The following PLEKHA6 variants were observed in gnomAD, a reference collection of about 807,000 sequenced individuals.
The protein encoded by PLEKHA6 is pleckstrin homology domain containing A6.
Under a neutral mutation model 116.7 loss-of-function variants are expected in PLEKHA6, and 60 were observed. The observed-to-expected ratio is 0.51, with a 90% CI of 0.42 to 0.64. The LOEUF (loss-of-function observed/expected upper bound fraction) is 0.64, where lower values mean the gene tolerates loss of function less well. PLEKHA6 is among the 30% of genes least tolerant of loss of function. The pLI is 0.00. For missense variants in PLEKHA6, 1,338 were observed against 1,422.7 expected (o/e 0.94, Z 0.96); for synonymous variants, 489 against 556.1 (o/e 0.88, Z 1.70).
chr1:204,244,793 G>T, intron 15 of PLEKHA6, 71 bp downstream of exon 15: 1 of 1,215,452 alleles, frequency 8.2e-7, no homozygotes, highest in South Asian at 1.6e-5. Flanking sequence ...CACAGAAGTT[G>T]TATAGTTTCA....
chr1:204,324,575 GTTGAGTT>G (rs1458107242), intron 1 of PLEKHA6, among the ~76,000 whole-genome samples: 1 of 152,184 alleles, frequency 6.6e-6, no homozygotes, highest in Non-Finnish European at 1.5e-5. Flanking sequence ...TTTCTCTGAG[GTTGAGTT>G]TCTCTGACAA....
intron 7 of PLEKHA6, among the ~76,000 whole-genome samples, chr1:204,260,467 GTGCCT>G (rs1202839341): frequency 7.2e-5 from 11 of 152,288 alleles, no homozygotes; most frequent in Admixed American, 7.2e-4. Flanking sequence ...ACCCACTACA[GTGCCT>G]TGCACATTTA....
rs902090489 is a variant in PLEKHA6 at position 204,228,650 on chromosome 1, C to T, written c.2885+78G>A. 1 of 1,399,662 alleles carries T rather than the reference C, an allele frequency of 7.1e-7. No individual in the cohort carries two copies. The highest frequency in any genetic ancestry group is 1.0e-6 in the Non-Finnish European group (1 of 989,244). 86.7% of individuals were successfully genotyped at this position (1,399,662 alleles called of 1,614,324 possible). On this transcript the variant is annotated intron_variant, in intron 20 of 22. Transcript: ENST00000272203. The surrounding 1 kb of genome is among the most constrained non-coding windows in gnomAD (Gnocchi z 4.0). ...CTCTCCCCTGGGGAGGCTCTGTGCC[C>T]CCAACGACTTCTAGTGGCCCAGGTG...
intron 1 of PLEKHA6, among the ~76,000 whole-genome samples, chr1:204,300,037 C>T (rs896402560): frequency 1.3e-5 from 2 of 152,192 alleles, no homozygotes; most frequent in African/African-American, 4.8e-5. Flanking sequence ...CAGCCGCCAT[C>T]TGACAGTACT....
rs148442755 is a variant in PLEKHA6 at position 204,257,789 on chromosome 1, T to G, written c.1088A>C (p.Gln363Pro). ...CGGCCGCACTCCTGGCGGGTAGTACTGATAATCATCGGGGTACTGGGAGGA... is the reference window on the plus strand; with the variant it reads ...CGGCCGCACTCCTGGCGGGTAGTACGGATAATCATCGGGGTACTGGGAGGA... The part of the protein sequence containing the change: ...PYSSQYPDDY[Q>P]YYPPGVRPES... The change falls in exon 9 of 23, where the codon CAG becomes CCG. Residue 363 changes from glutamine to proline, a missense_variant. Gln to Pro is a moderately conservative substitution (Grantham distance 76). This residue lies in a region of PLEKHA6 where 1,136 missense variants were observed against 1,163.6 expected (regional missense o/e 0.98). Coordinates refer to ENST00000272203, the MANE Select transcript of PLEKHA6 (RefSeq NM_014935.5). The surrounding 1 kb of genome is among the most constrained non-coding windows in gnomAD (Gnocchi z 6.5). 5.9e-5 allele frequency: 95 copies of G among 1,613,892 alleles called. No individual in the cohort carries two copies. Among genetic ancestry groups the G allele is most frequent in the Admixed American group, 8.3e-5 (5 of 59,992 alleles).
At chr1:204,224,898 A>G (rs918560471) in intron 21 of PLEKHA6, among the ~76,000 whole-genome samples, 1 of 152,228 alleles carries the variant, frequency 6.6e-6, no homozygotes, top group African/African-American at 2.4e-5. Flanking sequence ...AACGAAGCAA[A>G]AGATATCTCC....
At chr1:204,363,813 TG>T (rs1673604348), upstream of PLEKHA6, among the ~76,000 whole-genome samples, 1 of 152,068 alleles carries the variant, frequency 6.6e-6, no homozygotes, top group African/African-American at 2.4e-5. Flanking sequence ...CTGAAAGCCT[TG>T]TGGGGCCATC....
At chr1:204,362,113 T>C (rs182602102), upstream of PLEKHA6, among the ~76,000 whole-genome samples, 2 of 151,948 alleles carry the variant, frequency 1.3e-5, no homozygotes, top group African/African-American at 4.8e-5. Flanking sequence ...CGGTGTGGGG[T>C]GCATGCCTTT....
In PLEKHA6 at chr1:204,237,402, C is replaced by T. The variant is rs936147667; in HGVS notation, c.2409+3973G>A. 8.5e-5 allele frequency among the ~76,000 whole-genome samples: 13 copies of T among 152,254 alleles called. 1 individual carries two copies. The highest frequency in any genetic ancestry group is 3.9e-4 in the East Asian group (2 of 5,180). ...CAATATCACATCCCTGGAGGGATTG[C>T]GGAGATTAGTGCCACAATCAAGGAC... On this transcript the variant is annotated intron_variant, in intron 17 of 22. Coordinates refer to ENST00000272203, the MANE Select transcript of PLEKHA6 (RefSeq NM_014935.5).
rs1427585905 is a variant in PLEKHA6 at position 204,228,102 on chromosome 1, G to A, written c.3012C>T (p.Arg1004=). The change falls in exon 21 of 23, where the codon CGC becomes CGT. Residue 1004 remains arginine (R), a synonymous_variant. Transcript: ENST00000272203. This position sits in a 1 kb window ranked among gnomAD's most constrained non-coding sequence, Gnocchi z 4.0. ...ISCALATEAS[R]RGRMLSVQCA... ...TCTCACCAGACAGCATGCGGCCCCTGCGGGAGGCCTCGGTCGCCAGGGCGC... is the reference window on the plus strand; with the variant it reads ...TCTCACCAGACAGCATGCGGCCCCTACGGGAGGCCTCGGTCGCCAGGGCGC... 1.2e-6 allele frequency: 2 copies of A among 1,612,646 alleles called. No individual in the cohort carries two copies. Among genetic ancestry groups the A allele is most frequent in the Non-Finnish European group, 1.7e-6 (2 of 1,179,316 alleles).
At chr1:204,260,146 T>A (rs1193281900) in intron 7 of PLEKHA6, among the ~76,000 whole-genome samples, 1 of 152,174 alleles carries the variant, frequency 6.6e-6, no homozygotes, top group Non-Finnish European at 1.5e-5. Context: ...CATCAGTAAC[T>A]GTCCTTGATA....
At chr1:204,373,549 G>A (rs1270524294) in intron 1 of PLEKHA6, among the ~76,000 whole-genome samples, 1 of 152,080 alleles carries the variant, frequency 6.6e-6, no homozygotes, top group Non-Finnish European at 1.5e-5. Context: ...TCCATATTGT[G>A]GTGTGTGGTC....
chr1:204,293,272 C>T (rs535992550), intron 1 of PLEKHA6, among the ~76,000 whole-genome samples: 1 of 152,032 alleles, frequency 6.6e-6, no homozygotes. Flanking sequence ...GTAGCTGGGA[C>T]TACAGGCATG....
intron 1 of PLEKHA6, among the ~76,000 whole-genome samples, chr1:204,344,926 C>G (rs1243798277): frequency 6.6e-6 from 1 of 152,146 alleles, no homozygotes; most frequent in Non-Finnish European, 1.5e-5. Context: ...TCCATCATAA[C>G]CAGAGTTCCC....
intron 2 of PLEKHA6, among the ~76,000 whole-genome samples, chr1:204,370,824 T>G (rs141914260): frequency 0.018 from 2,708 of 152,098 alleles, 89 homozygotes; most frequent in African/African-American, 0.062. Flanking sequence ...GAAGTCGAGG[T>G]GGGTGGATCA....
intron 1 of PLEKHA6, among the ~76,000 whole-genome samples, chr1:204,372,671 A>C (rs1464838688): frequency 6.6e-6 from 1 of 152,156 alleles, no homozygotes; most frequent in Non-Finnish European, 1.5e-5. Context: ...TTATCTATAC[A>C]CCTGTGAAAC....
At chr1:204,347,271 C>T (rs1673096655) in intron 1 of PLEKHA6, 2 of 972,840 alleles carry the variant, frequency 2.1e-6, no homozygotes, top group African/African-American at 1.6e-5. Flanking sequence ...TGGCGAATTA[C>T]TGGAAGATGG....
In PLEKHA6 at chr1:204,223,502, CCCGTGGGGA is replaced by C; in HGVS notation, c.3106_3114del (p.Ser1036_Arg1038del). Reference sequence around the variant, plus strand: ...CGCATGGTATAGCTGCTGTCGGCGCCCCGTGGGGATTCAGACGACAGGGGGTTTGCTGGA... The same window carrying C: ...CGCATGGTATAGCTGCTGTCGGCGCCTTCAGACGACAGGGGGTTTGCTGGA... On this transcript the variant is annotated inframe_deletion, in exon 22 of 23. Coordinates refer to ENST00000272203, the MANE Select transcript of PLEKHA6 (RefSeq NM_014935.5). The surrounding 1 kb of genome is among the most constrained non-coding windows in gnomAD (Gnocchi z 4.8). 1.9e-6 allele frequency: 3 copies of C among 1,550,238 alleles called. No individual in the cohort carries two copies. The highest frequency in any genetic ancestry group is 2.6e-6 in the Non-Finnish European group (3 of 1,145,824).
At chr1:204,222,978 G>A (rs989550683) in intron 22 of PLEKHA6, among the ~76,000 whole-genome samples, 199 bp from the exon 23 acceptor site, 4 of 152,224 alleles carry the variant, frequency 2.6e-5, no homozygotes, top group Non-Finnish European at 4.4e-5. Context: ...CTGTGGGCTA[G>A]GGGCAAGGGA....
Sources: gnomAD v4.1 joint callset for allele counts (sites outside exome capture counted in the v4.1 genomes callset) on GRCh38, gnomAD v4.1.1 for gene constraint, gnomAD v4.1.1 regional missense constraint, Gnocchi (gnomAD v3.1) non-coding constraint, MANE v1.5 for transcripts, NCBI Gene and HGNC (gene_info 2026-07-23, HGNC 2026-07-21) for gene names.